SNX7: variants seen among roughly 807,000 people sequenced by gnomAD.
SNX7 encodes the protein sorting nexin 7, also known as sorting nexin-7.
A neutral mutation model predicts 48.4 loss-of-function variants in SNX7; 35 were observed. The observed-to-expected ratio is 0.72, with a 90% CI of 0.55 to 0.96. The LOEUF (loss-of-function observed/expected upper bound fraction) is 0.96. Ranked by LOEUF, SNX7 falls within the 40% of genes least tolerant of loss-of-function variation. The pLI is 0.00. For synonymous variants in SNX7, 190 were observed against 190.2 expected (o/e 1.00, Z 0.01); for missense variants, 553 against 548.9 (o/e 1.01, Z -0.07).
intron 6 of SNX7, 40 bp downstream of exon 6, chr1:98,698,945 C>T: frequency 6.3e-7 from 1 of 1,581,632 alleles, no homozygotes. Flanking sequence ...AGTCCCTTAC[C>T]TGATTATAAG....
At chr1:98,676,787 G>A (rs996327399) in intron 1 of SNX7, among the ~76,000 whole-genome samples, 4 of 152,224 alleles carry the variant, frequency 2.6e-5, no homozygotes, top group Admixed American at 2.6e-4. Flanking sequence ...TAATGCATTT[G>A]GATCTGAGAT....
At chr1:98,663,277 T>G (rs1165208624) in intron 1 of SNX7, among the ~76,000 whole-genome samples, 2 of 94,352 alleles carry the variant, frequency 2.1e-5, no homozygotes, top group African/African-American at 3.5e-5. Context: ...TTTTTTTTTT[T>G]TTTTTTTTTT....
rs573557888 is a variant in SNX7 at position 98,752,260 on chromosome 1, C to T, written c.1279-7794C>T. On this transcript the variant is annotated intron_variant, in intron 8 of 8. Coordinates refer to ENST00000306121, the MANE Select transcript of SNX7 (RefSeq NM_015976.5). ...ATTTCTTGAGTTTTTCCTTAGGTTT[C>T]GTACTCAAGAGCAAAGAAATTTAAG... 4.6e-5 allele frequency among the ~76,000 whole-genome samples: 7 copies of T among 152,024 alleles called. No individual in the cohort carries two copies. The East Asian group carries it at 1.2e-3, about 25-fold the overall frequency.
At chr1:98,694,070 T>C (rs1651295395) in intron 4 of SNX7, among the ~76,000 whole-genome samples, 1 of 152,196 alleles carries the variant, frequency 6.6e-6, no homozygotes. Context: ...TAGTTTCGTA[T>C]CTTATTACAA....
At chr1:98,719,738 A>G (rs1441098561) in intron 7 of SNX7, among the ~76,000 whole-genome samples, 2 of 151,340 alleles carry the variant, frequency 1.3e-5, no homozygotes, top group South Asian at 2.1e-4. Flanking sequence ...AGAGTGTTCT[A>G]CTTCAGGTGA....
chr1:98,698,703 TA>T lies in SNX7; in HGVS notation c.839-2del. 1.9e-6 allele frequency: 3 copies of T among 1,597,260 alleles called. No homozygotes were observed. Among genetic ancestry groups the T allele is most frequent in the African/African-American group, 1.4e-5 (1 of 73,858 alleles). Reference sequence around the variant, plus strand: ...AGCTTATTAAGTCTTTTTTTTTTTTTAGAATATTTTGATGAAATGAAAGAAT... The same window carrying T: ...AGCTTATTAAGTCTTTTTTTTTTTTTGAATATTTTGATGAAATGAAAGAAT... On this transcript the variant is annotated splice_acceptor_variant, in intron 5 of 8. Coordinates refer to ENST00000306121, the MANE Select transcript of SNX7 (RefSeq NM_015976.5). LOFTEE classifies it high-confidence loss of function.
At chr1:98,673,024 G>A (rs897228190) in intron 1 of SNX7, among the ~76,000 whole-genome samples, 21 of 151,522 alleles carry the variant, frequency 1.4e-4, no homozygotes, top group Non-Finnish European at 2.8e-4. Context: ...ATTGGCTAAT[G>A]CTCATGAAGA....
At chr1:98,683,754 A>G (rs978414026) in intron 1 of SNX7, among the ~76,000 whole-genome samples, 1 of 152,176 alleles carries the variant, frequency 6.6e-6, no homozygotes, top group Non-Finnish European at 1.5e-5. Context: ...TGAATGGACT[A>G]TGATGGGGTG....
chr1:98,741,841 C>A (rs1026360435), intron 8 of SNX7, among the ~76,000 whole-genome samples: 11 of 152,190 alleles, frequency 7.2e-5, no homozygotes, highest in African/African-American at 1.2e-4. Context: ...GCAAGTGATT[C>A]CTGGCTGATC....
intron 7 of SNX7, among the ~76,000 whole-genome samples, chr1:98,736,798 A>G (rs1653801387): frequency 6.6e-6 from 1 of 152,230 alleles, no homozygotes; most frequent in African/African-American, 2.4e-5. Flanking sequence ...TTCAAGCATC[A>G]GAAGTAATAC....
At chr1:98,721,827 A>T (rs1029611054) in intron 7 of SNX7, among the ~76,000 whole-genome samples, 1 of 152,108 alleles carries the variant, frequency 6.6e-6, no homozygotes, top group African/African-American at 2.4e-5. Flanking sequence ...AGTACAGGGA[A>T]TTACATCTAA....
At chr1:98,698,051 T>C (rs1219379307) in intron 5 of SNX7, among the ~76,000 whole-genome samples, 1 of 152,146 alleles carries the variant, frequency 6.6e-6, no homozygotes, top group Non-Finnish European at 1.5e-5. Flanking sequence ...TTAACTAATT[T>C]AATTTAACTA....
intron 8 of SNX7, among the ~76,000 whole-genome samples, chr1:98,744,376 A>G (rs891694187): frequency 1.3e-5 from 2 of 152,018 alleles, no homozygotes; most frequent in Non-Finnish European, 2.9e-5. Flanking sequence ...GGAAACAAAG[A>G]TGATAGAGGA....
At chr1:98,737,038 C>T (rs567982907) in intron 7 of SNX7, among the ~76,000 whole-genome samples, 1 of 152,178 alleles carries the variant, frequency 6.6e-6, no homozygotes, top group East Asian at 1.9e-4. Flanking sequence ...TCTGGCCACT[C>T]ACTGCTTCTC....
chr1:98,703,633 T>G (rs1651864373), intron 7 of SNX7, among the ~76,000 whole-genome samples: 1 of 151,934 alleles, frequency 6.6e-6, no homozygotes, highest in African/African-American at 2.4e-5. Context: ...AATTGACTCC[T>G]AACACTCTTT....
intron 7 of SNX7, among the ~76,000 whole-genome samples, chr1:98,707,717 G>A (rs890542394): frequency 6.6e-6 from 1 of 152,182 alleles, no homozygotes; most frequent in Non-Finnish European, 1.5e-5. Flanking sequence ...GAATTGGAAA[G>A]TTGGATCTAG....
chr1:98,711,252 A>G (rs1451144728), intron 7 of SNX7, among the ~76,000 whole-genome samples: 1 of 152,098 alleles, frequency 6.6e-6, no homozygotes, highest in African/African-American at 2.4e-5. Context: ...TCCTGACCTC[A>G]AGTGATCCGC....
chr1:98,698,644 A>T (rs1651583065), intron 5 of SNX7, 62 bp from the exon 6 acceptor site: 1 of 1,443,692 alleles, frequency 6.9e-7, no homozygotes, highest in South Asian at 1.3e-5. Context: ...ACTCTCTAGG[A>T]TACAGGTATT....
rs867466313 is a variant in SNX7, at chr1:98,697,117, C to T, written c.838+1401C>T. 5.3e-5 allele frequency among the ~76,000 whole-genome samples: 8 copies of T among 152,024 alleles called. No individual in the cohort carries two copies. The Middle Eastern group carries it at 0.014, about 259-fold the overall frequency. ...TGAGAAAATGAGAAATTTGAGATTT[C>T]TCAATTGACTCAATTGAGAAAAGAA... On this transcript the variant is annotated intron_variant, in intron 5 of 8. Transcript: ENST00000306121.
Sources: allele counts gnomAD v4.1 joint callset (sites outside exome capture counted in the v4.1 genomes callset), GRCh38; gene constraint gnomAD v4.1.1; transcripts MANE v1.5; gene names NCBI Gene and HGNC (gene_info 2026-07-23, HGNC 2026-07-21).